VAV3: variants seen among roughly 807,000 people sequenced by gnomAD.
The protein encoded by VAV3 is guanine nucleotide exchange factor VAV3.
A neutral mutation model predicts 131.2 loss-of-function variants in VAV3; 94 were observed. That is an observed-to-expected ratio of 0.72 (90% CI 0.61 to 0.85). The LOEUF (loss-of-function observed/expected upper bound fraction) is 0.85. Ranked by LOEUF, VAV3 falls within the 40% of genes least tolerant of loss-of-function variation. The probability of loss-of-function intolerance (pLI) is 0.00; values close to 1 mark genes in which losing one functional copy is unlikely to be tolerated. For synonymous variants in VAV3, 349 were observed against 342.0 expected, an observed-to-expected ratio of 1.02 and a Z score of -0.22; for missense variants, 939 against 1,002.7, an observed-to-expected ratio of 0.94 and a Z score of 0.86.
intron 2 of VAV3, among the ~76,000 whole-genome samples, chr1:107,829,297 T>C (rs1457364693): frequency 6.6e-6 from 1 of 152,178 alleles, no homozygotes; most frequent in East Asian, 1.9e-4. Flanking sequence ...AGTCAAACAA[T>C]TGTCCCTCAA....
chr1:107,693,634 T>C (rs1659571909), intron 17 of VAV3, among the ~76,000 whole-genome samples: 1 of 152,208 alleles, frequency 6.6e-6, no homozygotes, highest in Non-Finnish European at 1.5e-5. Flanking sequence ...TGCTTAATAA[T>C]ATTTAGCCAC....
At chr1:107,619,419 T>C (rs1570624475) in intron 20 of VAV3, among the ~76,000 whole-genome samples, 3 of 152,312 alleles carry the variant, frequency 2.0e-5, no homozygotes. Context: ...TGCTCTATAA[T>C]GGTTTGTTTT....
chr1:107,754,611 C>T (rs372640537), intron 12 of VAV3, among the ~76,000 whole-genome samples: 68 of 152,296 alleles, frequency 4.5e-4, no homozygotes, highest in African/African-American at 1.6e-3. Context: ...TAGCTTCCCA[C>T]TGCAGTCACA....
intron 1 of VAV3, among the ~76,000 whole-genome samples, chr1:107,963,206 T>A (rs1160000790): frequency 6.6e-6 from 1 of 152,156 alleles, no homozygotes; most frequent in Non-Finnish European, 1.5e-5. Context: ...TACTCCCTAC[T>A]GGTGGGCCAA....
At chr1:107,718,822 G>A (rs1661296707) in intron 15 of VAV3, among the ~76,000 whole-genome samples, 1 of 152,162 alleles carries the variant, frequency 6.6e-6, no homozygotes. Context: ...CAAGACCACA[G>A]TAACCAAAAC....
intron 2 of VAV3, chr1:107,820,811 TAA>T (rs924931855): frequency 6.6e-5 from 10 of 152,170 alleles, no homozygotes; most frequent in African/African-American, 2.4e-4. Flanking sequence ...CACCCATTTT[TAA>T]AAGTCTTTCC....
At chr1:107,956,256 G>A (rs1017035705) in intron 1 of VAV3, among the ~76,000 whole-genome samples, 8 of 152,206 alleles carry the variant, frequency 5.3e-5, no homozygotes, top group Non-Finnish European at 1.0e-4. Context: ...AGGGAGAAAC[G>A]GGTGATTAAG....
At chr1:107,734,931 T>C (rs1662497800) in intron 15 of VAV3, among the ~76,000 whole-genome samples, 1 of 152,184 alleles carries the variant, frequency 6.6e-6, no homozygotes, top group Non-Finnish European at 1.5e-5. Flanking sequence ...ATCACACTTA[T>C]TCCAAAATTG....
intron 1 of VAV3, among the ~76,000 whole-genome samples, chr1:107,932,018 AC>A (rs1204643279): frequency 2.0e-5 from 3 of 152,358 alleles, no homozygotes; most frequent in Admixed American, 2.0e-4. Flanking sequence ...GCATAGCACA[AC>A]GATAGCTCTC....
chr1:107,841,463 C>T (rs1668705339), intron 2 of VAV3, among the ~76,000 whole-genome samples: 1 of 152,144 alleles, frequency 6.6e-6, no homozygotes, highest in Non-Finnish European at 1.5e-5. Flanking sequence ...GCATCTATAA[C>T]AAGGATATTT....
rs76612125 is a variant in VAV3, at chr1:107,816,311, T to C, written c.322-36819A>G. Among the ~76,000 whole-genome samples, 753 of 152,372 alleles carry C rather than the reference T, an allele frequency of 4.9e-3. 6 individuals carry two copies. The highest frequency in any genetic ancestry group is 0.016 in the African/African-American group (666 of 41,590). ...ACTTCTCTGAGCCTATTTTCTCATA[T>C]AAAGTGATAAAATAACCATGCCAAT... On this transcript the variant is annotated intron_variant, in intron 2 of 26. Transcript: ENST00000370056.
intron 22 of VAV3, among the ~76,000 whole-genome samples, chr1:107,608,583 G>C (rs930502659): frequency 6.6e-6 from 1 of 152,160 alleles, no homozygotes; most frequent in Admixed American, 6.5e-5. Context: ...AATTTCTTCA[G>C]CAAGCTCAGT....
In VAV3 at chr1:107,787,823, A is replaced by G. The variant is rs145998372; in HGVS notation, c.322-8331T>C. Among the ~76,000 whole-genome samples, 669 of 152,258 alleles carry G rather than the reference A, an allele frequency of 4.4e-3. 5 individuals carry two copies. Among genetic ancestry groups the G allele is most frequent in the African/African-American group, 0.015 (641 of 41,540 alleles). Reference sequence around the variant, plus strand: ...AAGCAAACAGGACTGCACTTGCCTCATTAGGCATTTCCGCACCACTATGGT... The same window carrying G: ...AAGCAAACAGGACTGCACTTGCCTCGTTAGGCATTTCCGCACCACTATGGT... On this transcript the variant is annotated intron_variant, in intron 2 of 26. Transcript: ENST00000370056.
chr1:107,787,775 G>T (rs1666091263), intron 2 of VAV3, among the ~76,000 whole-genome samples: 1 of 152,166 alleles, frequency 6.6e-6, no homozygotes, highest in Non-Finnish European at 1.5e-5. Flanking sequence ...AGAGAAAGAA[G>T]GTCATTGAGC....
intron 2 of VAV3, among the ~76,000 whole-genome samples, chr1:107,784,482 G>A (rs1037163013): frequency 6.6e-6 from 1 of 152,124 alleles, no homozygotes; most frequent in Admixed American, 6.5e-5. Context: ...TTTGCTATAG[G>A]AAAGATTTTT....
intron 20 of VAV3, among the ~76,000 whole-genome samples, chr1:107,631,837 A>T (rs915665237): frequency 5.9e-5 from 9 of 151,810 alleles, no homozygotes; most frequent in African/African-American, 2.2e-4. Context: ...ATAGTATTTC[A>T]TGGTGTATAT....
At chr1:107,670,052 G>C (rs1279049310) in intron 19 of VAV3, among the ~76,000 whole-genome samples, 1 of 152,222 alleles carries the variant, frequency 6.6e-6, no homozygotes, top group Non-Finnish European at 1.5e-5. Flanking sequence ...ATTTGTGCCA[G>C]TGTATGTGGG....
At chr1:107,776,438 A>C (rs1274204467) in intron 4 of VAV3, among the ~76,000 whole-genome samples, 2 of 152,224 alleles carry the variant, frequency 1.3e-5, no homozygotes, top group Non-Finnish European at 2.9e-5. Context: ...CAGGATAGTC[A>C]GAGAAGGCCT....
At chr1:107,663,833 A>G (rs1657215966) in intron 19 of VAV3, among the ~76,000 whole-genome samples, 1 of 152,174 alleles carries the variant, frequency 6.6e-6, no homozygotes. Flanking sequence ...GAGACAAATG[A>G]TTTTCACTTG....
Sources: allele counts gnomAD v4.1 joint callset (sites outside exome capture counted in the v4.1 genomes callset), GRCh38; gene constraint gnomAD v4.1.1; transcripts MANE v1.5; gene names NCBI Gene and HGNC (gene_info 2026-07-23, HGNC 2026-07-21).